Variants in CD86 observed in about 807,000 individuals in gnomAD.
The protein encoded by CD86 is CD86 molecule.
CD86 carries 11 observed loss-of-function variants against 32.1 expected under a neutral mutation model. That is an observed-to-expected ratio of 0.34 (90% CI 0.22 to 0.57). CD86 has a LOEUF of 0.57. Ranked by LOEUF, CD86 falls within the 20% of genes least tolerant of loss-of-function variation. CD86 has a pLI of 0.86. For synonymous variants in CD86, 137 were observed against 135.3 expected (o/e 1.01, Z -0.09); for missense variants, 359 against 398.4 (o/e 0.90, Z 0.84).
intron 2 of CD86, among the ~76,000 whole-genome samples, chr3:122,092,726 G>A (rs2072845031): frequency 6.6e-6 from 1 of 152,150 alleles, no homozygotes; most frequent in Admixed American, 6.5e-5. Context: ...CACTAAGACA[G>A]GGAGGTGAAC....
rs1472050072 is a variant in CD86 at position 122,113,484 on chromosome 3, GTT to G, written c.847+4077_847+4078del. Among the ~76,000 whole-genome samples, 5 of 152,308 alleles carry G rather than the reference GTT, an allele frequency of 3.3e-5. No homozygotes were observed. In the East Asian group the frequency reaches 9.6e-4, roughly 29 times the overall value. On this transcript the variant is annotated intron_variant, in intron 5 of 6. Transcript: ENST00000330540. ...ACATTCCCACCAGCAGTGTAAACAT[GTT>G]CCCTTTTCACCACATCCATGCCAAC...
intron 1 of CD86, among the ~76,000 whole-genome samples, chr3:122,086,289 C>T (rs1420766704): frequency 6.6e-6 from 1 of 152,164 alleles, no homozygotes; most frequent in Non-Finnish European, 1.5e-5. Context: ...ACATTCTACA[C>T]AAAGTTGTGA....
At chr3:122,100,627 T>C (rs2072984713) in intron 2 of CD86, among the ~76,000 whole-genome samples, 1 of 152,202 alleles carries the variant, frequency 6.6e-6, no homozygotes, top group Non-Finnish European at 1.5e-5. Flanking sequence ...GGTCAGAGAC[T>C]TCATAAGGCT....
chr3:122,118,265 A>T (rs2073287338), intron 6 of CD86, among the ~76,000 whole-genome samples, 172 bp downstream of exon 6: 3 of 152,210 alleles, frequency 2.0e-5, no homozygotes, highest in Admixed American at 2.0e-4. Context: ...CTGATAATGG[A>T]TGACAGGGTA....
chr3:122,071,539 G>A (rs973591797), intron 1 of CD86, among the ~76,000 whole-genome samples: 9 of 152,076 alleles, frequency 5.9e-5, no homozygotes, highest in African/African-American at 1.9e-4. Flanking sequence ...CATCTTAGTT[G>A]CTAATTATGA....
Position 122,106,509 on chromosome 3 carries a change from GT to G in CD86, c.703+13del. 1 of 1,586,678 alleles carries G rather than the reference GT, an allele frequency of 6.3e-7. No homozygotes were observed. The highest frequency in any genetic ancestry group is 8.6e-7 in the Non-Finnish European group (1 of 1,165,140). ...TTCACCTTTCTCTATAGGTAAAGCT[GT>G]TTTCCAAGACTATTTCTTTCAGCAG... On this transcript the variant is annotated intron_variant, in intron 4 of 6. Transcript: ENST00000330540.
In CD86 at chr3:122,086,267, C is replaced by T. The variant is rs145193734; in HGVS notation, c.15-5334C>T. Among the ~76,000 whole-genome samples, 33 of 152,110 alleles carry T rather than the reference C, an allele frequency of 2.2e-4. No homozygotes were observed. The East Asian group carries it at 5.2e-3, about 24-fold the overall frequency. ...CTTCTCAGCATTTTTCCTGATACTC[C>T]GGTTACCACTAACATTCTACACAAA... On this transcript the variant is annotated intron_variant, in intron 1 of 6. Coordinates refer to ENST00000330540, the MANE Select transcript of CD86 (RefSeq NM_175862.5).
intron 5 of CD86, among the ~76,000 whole-genome samples, chr3:122,112,398 C>A (rs532474187): frequency 6.6e-6 from 1 of 151,958 alleles, no homozygotes; most frequent in Admixed American, 6.5e-5. Context: ...CACACTGCAA[C>A]CTCTGCCTCC....
At chr3:122,084,335 AG>A (rs1311590126) in intron 1 of CD86, among the ~76,000 whole-genome samples, 3 of 152,206 alleles carry the variant, frequency 2.0e-5, no homozygotes, top group African/African-American at 7.2e-5. Flanking sequence ...GGAGTCAAGC[AG>A]TTTTTTCTAT....
chr3:122,119,819 T>G lies in CD86; in HGVS notation c.*285T>G. 1 of 254,546 alleles carries G rather than the reference T, an allele frequency of 3.9e-6. No homozygotes were observed. The allele number at this position is 254,546 out of a possible 1,614,324, so 15.8% of individuals were successfully genotyped here. ...ACCTGGAAATAAAATTTAGGACCAA[T>G]ACCTCCTCCAGATCAGATTCTTCTC... On this transcript the variant is annotated 3_prime_UTR_variant, in exon 7 of 7. Coordinates refer to ENST00000330540, the MANE Select transcript of CD86 (RefSeq NM_175862.5).
At chr3:122,105,598 A>G (rs2073078099) in intron 3 of CD86, among the ~76,000 whole-genome samples, 1 of 152,186 alleles carries the variant, frequency 6.6e-6, no homozygotes, top group Non-Finnish European at 1.5e-5. Context: ...ATTTTTCCCT[A>G]AAATAGCTGG....
intron 1 of CD86, among the ~76,000 whole-genome samples, chr3:122,055,952 A>C (rs2072227219): frequency 6.6e-6 from 1 of 152,140 alleles, no homozygotes; most frequent in Non-Finnish European, 1.5e-5. Context: ...GAAAATGCAA[A>C]ACTCAGTTAA....
intron 2 of CD86, 90 bp downstream of exon 2, chr3:122,091,740 G>A: frequency 1.9e-6 from 2 of 1,042,114 alleles, no homozygotes; most frequent in South Asian, 2.5e-5. Context: ...GACTTGGTGG[G>A]TTTTACTCAC....
intron 5 of CD86, among the ~76,000 whole-genome samples, chr3:122,115,032 T>G (rs567652170): frequency 6.6e-6 from 1 of 152,202 alleles, no homozygotes; most frequent in South Asian, 2.1e-4. Context: ...GAAACAAGAC[T>G]AGAAAAAGAA....
At chr3:122,098,765 A>G (rs1243822607) in intron 2 of CD86, among the ~76,000 whole-genome samples, 1 of 152,216 alleles carries the variant, frequency 6.6e-6, no homozygotes, top group African/African-American at 2.4e-5. Context: ...TAGTAGTTCT[A>G]GATCTCCTCA....
chr3:122,065,007 T>A (rs2072393126), intron 1 of CD86, among the ~76,000 whole-genome samples: 1 of 152,224 alleles, frequency 6.6e-6, no homozygotes, highest in Non-Finnish European at 1.5e-5. Context: ...AAAGGAATTA[T>A]GGCAAACTAT....
At chr3:122,067,898 G>A (rs1440774907) in intron 1 of CD86, among the ~76,000 whole-genome samples, 3 of 152,158 alleles carry the variant, frequency 2.0e-5, no homozygotes, top group African/African-American at 7.2e-5. Context: ...GCATGTGATG[G>A]AAGTAGCAGG....
intron 1 of CD86, among the ~76,000 whole-genome samples, chr3:122,059,193 T>A (rs183120927): frequency 6.6e-6 from 1 of 151,920 alleles, no homozygotes; most frequent in Non-Finnish European, 1.5e-5. Context: ...ACATGAAGAG[T>A]CTTCTGCATA....
In CD86 at chr3:122,119,495, G is replaced by A. The variant is rs267599573; in HGVS notation, c.951G>A (p.Ser317=). 6.7e-5 allele frequency: 108 copies of A among 1,611,154 alleles called. No homozygotes were observed. Among genetic ancestry groups the A allele is most frequent in the Middle Eastern group, 1.6e-4 (1 of 6,062 alleles). The change falls in exon 7 of 7, where the codon TCG becomes TCA. Residue 317 remains serine, a synonymous_variant. Coordinates refer to ENST00000330540, the MANE Select transcript of CD86 (RefSeq NM_175862.5). ...AAGCCCAGCGTGTTTTTAAAAGTTC[G>A]AAGACATCTTCATGCGACAAAAGTG... ...SDEAQRVFKS[S]KTSSCDKSDT...
Sources: allele counts gnomAD v4.1 joint callset (sites outside exome capture counted in the v4.1 genomes callset), GRCh38; gene constraint gnomAD v4.1.1; transcripts MANE v1.5; gene names NCBI Gene and HGNC (gene_info 2026-07-23, HGNC 2026-07-21).